NECAB2: variants seen among roughly 807,000 people sequenced by gnomAD.
NECAB2 encodes N-terminal EF-hand calcium-binding protein 2.
NECAB2 carries 68 observed loss-of-function variants against 51.9 expected under a neutral mutation model. That is an observed-to-expected ratio of 1.31 (90% CI 1.08 to 1.60). NECAB2 has a LOEUF of 1.60. Among genes scored for constraint, NECAB2 ranks in the 40% most tolerant of loss-of-function variants. The pLI is 0.00. For missense variants in NECAB2, 854 were observed against 490.3 expected, an observed-to-expected ratio of 1.74 and a Z score of -7.00; for synonymous variants, 329 against 203.5, an observed-to-expected ratio of 1.62 and a Z score of -5.25.
intron 2 of NECAB2, among the ~76,000 whole-genome samples, chr16:83,977,790 G>A (rs1463711263): frequency 6.6e-6 from 1 of 152,348 alleles, no homozygotes; most frequent in East Asian, 1.9e-4. Flanking sequence ...GGAAGGACCT[G>A]AAGTTTGCCA....
chr16:83,975,496 G>A (rs904273532), intron 2 of NECAB2, among the ~76,000 whole-genome samples: 2 of 152,144 alleles, frequency 1.3e-5, no homozygotes, highest in Admixed American at 6.5e-5. Context: ...AGCGGGAGAT[G>A]GGGTGCAAAC....
intron 3 of NECAB2, among the ~76,000 whole-genome samples, chr16:83,980,403 C>T (rs1218913791): frequency 6.6e-6 from 1 of 152,144 alleles, no homozygotes; most frequent in Non-Finnish European, 1.5e-5. Context: ...GGGCTGCGAC[C>T]AGAACAGGAA....
intron 1 of NECAB2, among the ~76,000 whole-genome samples, chr16:83,970,093 A>T (rs2084332505): frequency 6.6e-6 from 1 of 152,198 alleles, no homozygotes; most frequent in Non-Finnish European, 1.5e-5. Flanking sequence ...TCCCACTGAA[A>T]GTCCTGGGCA....
chr16:83,981,261 C>T (rs1006414118), intron 5 of NECAB2, 134 bp downstream of exon 5: 2 of 717,704 alleles, frequency 2.8e-6, no homozygotes, highest in East Asian at 2.7e-5. Flanking sequence ...TTGCCTGGGC[C>T]TCTTTGAAGC....
intron 2 of NECAB2, among the ~76,000 whole-genome samples, chr16:83,976,396 CGTGA>C (rs1325005367): frequency 6.6e-6 from 1 of 152,186 alleles, no homozygotes; most frequent in Non-Finnish European, 1.5e-5. Flanking sequence ...CTACCTGTGT[CGTGA>C]GTGTTAAGAA....
In NECAB2 at chr16:83,968,486, C is replaced by A; in HGVS notation, c.-163C>A. 1 of 422,534 alleles carries A rather than the reference C, an allele frequency of 2.4e-6. No individual in the cohort carries two copies. Among genetic ancestry groups the A allele is most frequent in the Non-Finnish European group, 3.1e-6 (1 of 319,148 alleles). 26.2% of individuals were successfully genotyped at this position (422,534 alleles called of 1,614,324 possible). On this transcript the variant is annotated 5_prime_UTR_variant, in exon 1 of 13. Coordinates refer to ENST00000305202, the MANE Select transcript of NECAB2 (RefSeq NM_019065.3). ...GCACGTGGCTCGGGGTCCGGCCGGC[C>A]CGCCCCCCGGCGCCGGCCAGTCCCC... is the stretch of plus-strand genomic sequence containing the variant.
chr16:83,980,372 G>T (rs745861678), intron 3 of NECAB2, among the ~76,000 whole-genome samples: 32 of 152,142 alleles, frequency 2.1e-4, no homozygotes, highest in Non-Finnish European at 4.4e-4. Flanking sequence ...CAGGCTGTAG[G>T]AATGGGGATA....
intron 5 of NECAB2, among the ~76,000 whole-genome samples, chr16:83,988,632 C>G (rs887633058): frequency 6.6e-6 from 1 of 152,154 alleles, no homozygotes; most frequent in Non-Finnish European, 1.5e-5. Flanking sequence ...AATTCAAGCC[C>G]AAGTGACTTA....
intron 3 of NECAB2, among the ~76,000 whole-genome samples, chr16:83,979,646 C>T (rs908001640): frequency 6.6e-6 from 1 of 150,852 alleles, no homozygotes; most frequent in African/African-American, 2.4e-5. Flanking sequence ...TAGACCTTCT[C>T]TTTCAGGGCC....
intron 9 of NECAB2, 87 bp downstream of exon 9, chr16:83,997,356 C>T (rs897122992): frequency 5.2e-6 from 8 of 1,527,322 alleles, no homozygotes; most frequent in African/African-American, 4.1e-5. Flanking sequence ...TGCCCCTGAC[C>T]CCGCTCTCCC....
At chr16:83,998,750 G>C (rs1478533382) in intron 10 of NECAB2, among the ~76,000 whole-genome samples, 1 of 152,204 alleles carries the variant, frequency 6.6e-6, no homozygotes. Context: ...ACTGAGGAAG[G>C]AGAGGAGAGT....
At chr16:83,965,243 G>T (rs200366219), upstream of NECAB2, 1 of 1,612,160 alleles carries the variant, frequency 6.2e-7, no homozygotes, top group Non-Finnish European at 8.5e-7. Flanking sequence ...CCAGGTGAGC[G>T]GCTTCCTGAC....
At chr16:83,997,852 A>C (rs1199491641) in intron 9 of NECAB2, among the ~76,000 whole-genome samples, 1 of 152,134 alleles carries the variant, frequency 6.6e-6, no homozygotes, top group Admixed American at 6.5e-5. Context: ...GATCAGCCAG[A>C]CAGTGATGTG....
chr16:83,997,249 G>A lies in NECAB2; in HGVS notation c.829G>A (p.Asp277Asn). ...GTTCGACCTGCAGCAGCGCCTGTCA[G>A]ATGAAGATGGCACCAACATGGTGAG... ...LWFDLQQRLS[D>N]EDGTNMHLQL... is the part of the protein sequence containing the mutation. The change falls in exon 9 of 13, where the codon GAT becomes AAT. Residue 277 changes from aspartate (D) to asparagine (N), a missense_variant. Physicochemically the swap from Asp to Asn is conservative, Grantham distance 23 (BLOSUM62 1). Transcript: ENST00000305202. 6.2e-7 allele frequency: 1 copy of A among 1,614,172 alleles called. No homozygotes were observed. Among genetic ancestry groups the A allele is most frequent in the Non-Finnish European group, 8.5e-7 (1 of 1,180,034 alleles).
intron 10 of NECAB2, 49 bp downstream of exon 10, chr16:83,998,366 C>T (rs371554969): frequency 5.7e-6 from 9 of 1,569,056 alleles, no homozygotes; most frequent in South Asian, 1.1e-5. Flanking sequence ...GGAGCTCTGC[C>T]TGGCAGTGGA....
intron 3 of NECAB2, among the ~76,000 whole-genome samples, chr16:83,980,616 A>C (rs1423336593): frequency 2.0e-5 from 3 of 152,222 alleles, no homozygotes; most frequent in Non-Finnish European, 4.4e-5. Context: ...GACTCCGAGA[A>C]AACAGAACAA....
chr16:83,983,996 GTTTT>G (rs552020138), intron 5 of NECAB2, among the ~76,000 whole-genome samples: 2 of 125,278 alleles, frequency 1.6e-5, no homozygotes, highest in African/African-American at 3.2e-5. Flanking sequence ...ATATATGGTG[GTTTT>G]TTTTTTTTTT....
At chr16:84,001,289 T>A (rs1469587337) in intron 11 of NECAB2, among the ~76,000 whole-genome samples, 7 of 150,866 alleles carry the variant, frequency 4.6e-5, no homozygotes, top group Non-Finnish European at 1.0e-4. Flanking sequence ...TGGGAGAGGG[T>A]GGAGACTATT....
chr16:83,999,225 T>C (rs16962477), intron 10 of NECAB2, among the ~76,000 whole-genome samples: 18,807 of 151,926 alleles, frequency 0.12, 1,804 homozygotes, highest in African/African-American at 0.28. Context: ...TTCCCGAGAC[T>C]CGGCGTGGCC....
Sources: allele counts gnomAD v4.1 joint callset (sites outside exome capture counted in the v4.1 genomes callset), GRCh38; gene constraint gnomAD v4.1.1; transcripts MANE v1.5; gene names NCBI Gene and HGNC (gene_info 2026-07-23, HGNC 2026-07-21).